The following SPATA3 variants were observed in gnomAD, a reference collection of about 807,000 sequenced individuals.
SPATA3 encodes the protein spermatogenesis associated 3, also known as spermatogenesis-associated protein 3.
Under a neutral mutation model 5.7 loss-of-function variants are expected in SPATA3, and 6 were observed. That is an observed-to-expected ratio of 1.06 (90% CI 0.58 to 2.09). The LOEUF (loss-of-function observed/expected upper bound fraction) is 2.09, where lower values mean the gene tolerates loss of function less well. Among genes scored for constraint, SPATA3 ranks in the 30% most tolerant of loss-of-function variants. SPATA3 has a pLI of 0.00. For missense variants in SPATA3, 155 were observed against 130.4 expected, an observed-to-expected ratio of 1.19 and a Z score of -0.92; for synonymous variants, 44 against 48.4, an observed-to-expected ratio of 0.91 and a Z score of 0.37.
At chr2:230,996,220 T>A in intron 1 of SPATA3, 3 of 1,546,286 alleles carry the variant, frequency 1.9e-6, no homozygotes, top group Non-Finnish European at 2.6e-6. Context: ...ACGTTTAGGT[T>A]GGGAGGATCT....
intron 1 of SPATA3, among the ~76,000 whole-genome samples, chr2:230,998,718 G>A (rs1345318182): frequency 2.6e-5 from 4 of 152,182 alleles, no homozygotes; most frequent in Non-Finnish European, 4.4e-5. Flanking sequence ...TCAGAAGGAT[G>A]GACAATAACA....
At chr2:231,005,277 TCAC>T (rs1692538915), downstream of SPATA3, among the ~76,000 whole-genome samples, 1 of 31,084 alleles carries the variant, frequency 3.2e-5, no homozygotes, top group South Asian at 1.2e-3. Flanking sequence ...ATCATCACCA[TCAC>T]CATCATCATC....
chr2:231,005,282 A>G (rs111209795), downstream of SPATA3, among the ~76,000 whole-genome samples: 39,503 of 124,924 alleles, frequency 0.32, 5,615 homozygotes, highest in South Asian at 0.39. Context: ...CACCATCACC[A>G]TCATCATCAC....
chr2:231,000,661 T>C, intron 2 of SPATA3, 124 bp downstream of exon 2: 1 of 1,078,472 alleles, frequency 9.3e-7, no homozygotes. Context: ...GGAAAGCCTT[T>C]CTTTCCCTCT....
chr2:231,016,233 G>C (rs1692931833), intron 6 of SPATA3, among the ~76,000 whole-genome samples: 1 of 152,144 alleles, frequency 6.6e-6, no homozygotes, highest in Non-Finnish European at 1.5e-5. Context: ...CCCCATTCCA[G>C]GGACCCTGGG....
chr2:230,998,186 C>T (rs1692201008), intron 1 of SPATA3, among the ~76,000 whole-genome samples: 1 of 152,182 alleles, frequency 6.6e-6, no homozygotes, highest in African/African-American at 2.4e-5. Context: ...ACAGTTTACC[C>T]CCCGGGATTG....
intron 6 of SPATA3, among the ~76,000 whole-genome samples, chr2:231,019,027 C>A (rs1287493231): frequency 1.0e-4 from 14 of 137,022 alleles, no homozygotes; most frequent in African/African-American, 3.9e-4. Context: ...AGCGCAGTGG[C>A]ACGATCTCGG....
chr2:231,003,115 C>T (rs970458616), downstream of SPATA3, among the ~76,000 whole-genome samples: 14 of 152,202 alleles, frequency 9.2e-5, no homozygotes, highest in African/African-American at 2.9e-4. Flanking sequence ...CATCTCGGAC[C>T]TTTCTTGGAA....
chr2:231,016,928 G>A (rs940455915), intron 6 of SPATA3, among the ~76,000 whole-genome samples: 1 of 152,150 alleles, frequency 6.6e-6, no homozygotes, highest in Non-Finnish European at 1.5e-5. Context: ...CAGTTAAAAT[G>A]TACATTTCCC....
chr2:231,017,736 T>G (rs1692969158), intron 6 of SPATA3, among the ~76,000 whole-genome samples: 1 of 152,244 alleles, frequency 6.6e-6, no homozygotes, highest in Non-Finnish European at 1.5e-5. Context: ...TCAGAGGGGC[T>G]GCAGACACAG....
At chr2:231,005,268 TCATCACCATCAC>T (rs1559197602), downstream of SPATA3, among the ~76,000 whole-genome samples, 3 of 40,832 alleles carry the variant, frequency 7.3e-5, no homozygotes, top group East Asian at 2.4e-3. Context: ...ATCATTACCA[TCATCACCATCAC>T]CATCATCATC....
chr2:231,012,147 A>G (rs1488420983), downstream of SPATA3, among the ~76,000 whole-genome samples: 1 of 152,214 alleles, frequency 6.6e-6, no homozygotes, highest in African/African-American at 2.4e-5. Flanking sequence ...TGTCCAAGGC[A>G]GAGAGCCAGG....
chr2:231,018,969 C>T (rs963642097), intron 6 of SPATA3, among the ~76,000 whole-genome samples: 13 of 126,306 alleles, frequency 1.0e-4, no homozygotes, highest in Middle Eastern at 4.9e-3. Context: ...TTTTCTTTTT[C>T]TTTTTTTTTT....
At chr2:231,014,985 A>T (rs1692891448) in intron 6 of SPATA3, among the ~76,000 whole-genome samples, 1 of 152,028 alleles carries the variant, frequency 6.6e-6, no homozygotes, top group South Asian at 2.1e-4. Flanking sequence ...CCCTACAGGG[A>T]GTCCCAACTT....
downstream of SPATA3, among the ~76,000 whole-genome samples, chr2:231,006,172 G>C (rs905589987): frequency 6.7e-6 from 1 of 149,240 alleles, no homozygotes; most frequent in Non-Finnish European, 1.5e-5. Flanking sequence ...TCCAGCCTGG[G>C]TGACAGAACT....
In SPATA3 at chr2:230,996,595, C is replaced by T; in HGVS notation, c.791-3771C>T. 3.3e-6 allele frequency: 5 copies of T among 1,521,760 alleles called. No individual in the cohort carries two copies. The South Asian group carries it at 3.8e-5, about 12-fold the overall frequency. The allele number at this position is 1,521,760 out of a possible 1,614,324, so 94.3% of individuals were successfully genotyped here. A position where few individuals can be genotyped will look rare whatever the true frequency, so the allele number is the denominator to read the frequency against. On this transcript the variant is annotated intron_variant, in intron 1 of 2. Coordinates refer to ENST00000645363, the Ensembl canonical transcript of SPATA3. ...CCTGCTGATGGAGTTCTGGGTCATC[C>T]CAAAGGCTGGTTCTTGTAGGATAGT... is the stretch of plus-strand genomic sequence containing the variant.
chr2:231,004,249 C>T (rs1169003879), downstream of SPATA3: 1 of 152,220 alleles, frequency 6.6e-6, no homozygotes, highest in African/African-American at 2.4e-5. Flanking sequence ...TGGCAAGAAC[C>T]TCAGTTTCCT....
intron 2 of SPATA3, among the ~76,000 whole-genome samples, chr2:231,001,224 C>G (rs1198720796): frequency 6.6e-6 from 1 of 152,168 alleles, no homozygotes; most frequent in Non-Finnish European, 1.5e-5. Flanking sequence ...TAGGAAGACC[C>G]CATCCATGCA....
intron 6 of SPATA3, among the ~76,000 whole-genome samples, chr2:231,018,612 G>C (rs1692990950): frequency 6.6e-6 from 1 of 152,084 alleles, no homozygotes; most frequent in African/African-American, 2.4e-5. Context: ...GCAGGGGAGG[G>C]AGAGATATTC....
Sources: gnomAD v4.1 joint callset for allele counts (sites outside exome capture counted in the v4.1 genomes callset) on GRCh38, gnomAD v4.1.1 for gene constraint, MANE v1.5 for transcripts, NCBI Gene and HGNC (gene_info 2026-07-23, HGNC 2026-07-21) for gene names.